The following GPM6B variants were observed in gnomAD, a reference collection of about 807,000 sequenced individuals.
GPM6B encodes the protein glycoprotein M6B.
GPM6B carries 4 observed loss-of-function variants against 27.2 expected under a neutral mutation model. The ratio of observed to expected loss-of-function variants is 0.15; its 90% confidence interval spans 0.07 to 0.34. The LOEUF is 0.34. Among genes scored for constraint, GPM6B ranks in the 10% least tolerant of loss-of-function variants. The probability of loss-of-function intolerance (pLI) is 1.00; values close to 1 mark genes in which losing one functional copy is unlikely to be tolerated. For synonymous variants in GPM6B, 124 were observed against 103.1 expected, an observed-to-expected ratio of 1.20 and a Z score of -1.23; for missense variants, 183 against 261.9, an observed-to-expected ratio of 0.70 and a Z score of 2.08.
In GPM6B at chrX:13,921,585, T is replaced by TTC. The variant is rs1944953068; in HGVS notation, c.-198+16741_-198+16742insGA. Among the ~76,000 whole-genome samples, 2 of 105,761 alleles carry TTC rather than the reference T, an allele frequency of 1.9e-5. 1 individual carries two copies. The highest frequency in any genetic ancestry group is 8.8e-4 in the South Asian group (2 of 2,282). The allele number at this position is 105,761 out of a possible 115,157, so 91.8% of individuals were successfully genotyped here. On this transcript the variant is annotated intron_variant, in intron 1 of 6. Coordinates refer to the GPM6B transcript ENST00000398361. ...ACCACATTTATAACCCCCCCCCTTTTTTTTTTTTTAGACAGAGTCTTACTC... is the reference window on the plus strand; with the variant it reads ...ACCACATTTATAACCCCCCCCCTTTTTCTTTTTTTTTAGACAGAGTCTTACTC...
At chrX:13,782,723 TC>T (rs2048537938) in intron 4 of GPM6B, among the ~76,000 whole-genome samples, 1 of 81,459 alleles carries the variant, frequency 1.2e-5, no homozygotes, top group African/African-American at 5.1e-5. Context: ...GACACTGCCC[TC>T]CCCAGCCTTG....
chrX:13,791,466 A>G (rs946364697), intron 2 of GPM6B, among the ~76,000 whole-genome samples: 1 of 111,711 alleles, frequency 9.0e-6, no homozygotes. Context: ...GTAATTCTCA[A>G]TACCTCTCAC....
intron 1 of GPM6B, among the ~76,000 whole-genome samples, chrX:13,931,710 T>C (rs1331436539): frequency 9.0e-6 from 1 of 111,388 alleles, no homozygotes; most frequent in African/African-American, 3.3e-5. Context: ...AAGATTCATT[T>C]ATATGTGTCC....
At chrX:13,836,068 T>G (rs1011166453) in intron 1 of GPM6B, among the ~76,000 whole-genome samples, 1 of 111,916 alleles carries the variant, frequency 8.9e-6, no homozygotes, top group African/African-American at 3.2e-5. Context: ...ACACCACCTG[T>G]TGAGGTTAAT....
In GPM6B at chrX:13,877,824, C is replaced by CAAAAAAAAAAAAAA. The variant is rs761891419; in HGVS notation, c.-198+60489_-198+60502dup. ...CCTGGGCATTAGAGCCAGACTCTGC[C>CAAAAAAAAAAAAAA]AAAAAAAAAAAAAAAAAAAAAAAAA... is the stretch of plus-strand genomic sequence containing the variant. On this transcript the variant is annotated intron_variant, in intron 1 of 6. Coordinates refer to the GPM6B transcript ENST00000398361. Among the ~76,000 whole-genome samples, 203 of 27,459 alleles carry CAAAAAAAAAAAAAA rather than the reference C, an allele frequency of 7.4e-3. 25 individuals are homozygous for CAAAAAAAAAAAAAA. The highest frequency in any genetic ancestry group is 0.01 in the African/African-American group (56 of 5,454). The allele number at this position is 27,459 out of a possible 115,157, so 23.8% of individuals were successfully genotyped here. A position where few individuals can be genotyped will look rare whatever the true frequency, so the allele number is the denominator to read the frequency against.
intron 1 of GPM6B, among the ~76,000 whole-genome samples, chrX:13,837,952 AC>A (rs947850197): frequency 2.7e-5 from 3 of 110,320 alleles, no homozygotes; most frequent in African/African-American, 9.9e-5. Flanking sequence ...AAAATTACAA[AC>A]CCTAAACTCC....
intron 1 of GPM6B, among the ~76,000 whole-genome samples, chrX:13,869,825 T>A (rs1308840646): frequency 1.8e-5 from 2 of 112,179 alleles, no homozygotes. Context: ...ACTAAGAAAT[T>A]AGCCTTGGCA....
intron 1 of GPM6B, among the ~76,000 whole-genome samples, chrX:13,908,499 C>A (rs999960464): frequency 7.1e-5 from 8 of 112,219 alleles, no homozygotes; most frequent in Non-Finnish European, 1.5e-4. Context: ...GGAACTATCA[C>A]AAGTTGGAGG....
intron 2 of GPM6B, among the ~76,000 whole-genome samples, chrX:13,798,496 C>T (rs1398788657): frequency 5.4e-5 from 6 of 112,024 alleles, no homozygotes; most frequent in Non-Finnish European, 1.1e-4. Flanking sequence ...GTTTATAGCA[C>T]GTGCTATATG....
intron 1 of GPM6B, among the ~76,000 whole-genome samples, chrX:13,837,661 C>G (rs2049513895): frequency 1.9e-5 from 2 of 105,922 alleles, no homozygotes; most frequent in African/African-American, 6.8e-5. Flanking sequence ...ATATTCCCCC[C>G]CTCCACACAA....
chrX:13,854,861 T>G (rs2049762016), intron 1 of GPM6B, among the ~76,000 whole-genome samples: 1 of 111,949 alleles, frequency 8.9e-6, no homozygotes, highest in African/African-American at 3.2e-5. Context: ...TGAGAAGTTC[T>G]TCTCCCAACC....
intron 1 of GPM6B, among the ~76,000 whole-genome samples, chrX:13,904,168 T>C (rs1183223739): frequency 1.8e-5 from 2 of 112,204 alleles, no homozygotes; most frequent in African/African-American, 3.2e-5. Context: ...AATAAATATA[T>C]GTAATCATTT....
At chrX:13,791,017 T>C (rs747867331) in intron 2 of GPM6B, among the ~76,000 whole-genome samples, 1 of 111,935 alleles carries the variant, frequency 8.9e-6, no homozygotes, top group African/African-American at 3.2e-5. Context: ...CACCATGCTG[T>C]TAAAAGTTTA....
intron 1 of GPM6B, among the ~76,000 whole-genome samples, chrX:13,906,046 C>G (rs1012657069): frequency 4.5e-5 from 5 of 112,241 alleles, no homozygotes; most frequent in African/African-American, 1.6e-4. Context: ...TTCATTTCTC[C>G]CCAAATAAAG....
At chrX:13,799,401 TA>T (rs66645984) in intron 2 of GPM6B, among the ~76,000 whole-genome samples, 23,812 of 101,304 alleles carry the variant, frequency 0.24, 2,442 homozygotes, top group Admixed American at 0.43. Flanking sequence ...TTATTATTAT[TA>T]TTTTTTTTTT....
At chrX:13,931,040 C>A (rs1461315882) in intron 1 of GPM6B, among the ~76,000 whole-genome samples, 2 of 110,904 alleles carry the variant, frequency 1.8e-5, no homozygotes, top group African/African-American at 6.6e-5. Flanking sequence ...AAAAATTAGC[C>A]AGGCATGGTG....
At chrX:13,883,693 TA>T (rs763473816) in intron 1 of GPM6B, among the ~76,000 whole-genome samples, 382 of 76,905 alleles carry the variant, frequency 5.0e-3, no homozygotes, top group Middle Eastern at 0.013. Flanking sequence ...CTTCGTCTCT[TA>T]AAAAAAAAAA....
chrX:13,773,310 C>CTT (rs11305581), intron 7 of GPM6B: 54 of 133,881 alleles, frequency 4.0e-4, no homozygotes, highest in Non-Finnish European at 5.8e-4. Flanking sequence ...CGAGAGGGTG[C>CTT]TTTTTTTTTT....
intron 3 of GPM6B, among the ~76,000 whole-genome samples, chrX:13,784,339 T>A (rs1335623452): frequency 8.9e-6 from 1 of 112,334 alleles, no homozygotes; most frequent in African/African-American, 3.2e-5. Flanking sequence ...TTTCCCAGGT[T>A]CAGTCTTGGT....
Sources: allele counts gnomAD v4.1 joint callset (sites outside exome capture counted in the v4.1 genomes callset), GRCh38; gene constraint gnomAD v4.1.1; transcripts MANE v1.5; gene names NCBI Gene and HGNC (gene_info 2026-07-23, HGNC 2026-07-21).